The following CCT3 variants were observed in gnomAD, a reference collection of about 807,000 sequenced individuals.
The protein encoded by CCT3 is chaperonin containing TCP1 subunit 3, also known as T-complex protein 1 subunit gamma.
A neutral mutation model predicts 65.3 loss-of-function variants in CCT3; 10 were observed. That is an observed-to-expected ratio of 0.15 (90% CI 0.09 to 0.26). CCT3 has a LOEUF of 0.26. CCT3 is among the 10% of genes least tolerant of loss of function. CCT3 has a pLI of 1.00. For synonymous variants in CCT3, 225 were observed against 242.3 expected, an observed-to-expected ratio of 0.93 and a Z score of 0.66; for missense variants, 626 against 708.7, an observed-to-expected ratio of 0.88 and a Z score of 1.33.
At chr1:156,331,805 G>T (rs1298926607) in intron 5 of CCT3, among the ~76,000 whole-genome samples, 2 of 151,828 alleles carry the variant, frequency 1.3e-5, no homozygotes, top group Non-Finnish European at 2.9e-5. Flanking sequence ...AGGCAGAGGC[G>T]GGCAGATCAC....
intron 2 of CCT3, 30 bp from the exon 3 acceptor site, chr1:156,334,948 G>A (rs373842273): frequency 6.2e-7 from 1 of 1,604,380 alleles, no homozygotes; most frequent in Non-Finnish European, 8.5e-7. Flanking sequence ...AAATACGCAA[G>A]CACAAATCAG....
chr1:156,331,746 C>CT (rs1255068508), intron 5 of CCT3, among the ~76,000 whole-genome samples: 1 of 150,216 alleles, frequency 6.7e-6, no homozygotes, highest in African/African-American at 2.5e-5. Flanking sequence ...AAAATAGTCC[C>CT]TCTCAGGCCA....
At chr1:156,323,855 C>T (rs943355760) in intron 6 of CCT3, among the ~76,000 whole-genome samples, 1 of 152,050 alleles carries the variant, frequency 6.6e-6, no homozygotes. Flanking sequence ...CTCCGCCTCC[C>T]GGGTTCAAGT....
intron 5 of CCT3, among the ~76,000 whole-genome samples, chr1:156,332,047 A>G (rs1485397714): frequency 2.2e-5 from 3 of 135,500 alleles, no homozygotes; most frequent in Non-Finnish European, 4.9e-5. Context: ...AAAAAAAGAG[A>G]CATGGTCTTG....
chr1:156,317,226 A>T lies in CCT3; in HGVS notation c.914T>A (p.Met305Lys). ...GISDLAQHYLMRANITAIRRV... is the reference protein window; with the variant it reads ...GISDLAQHYLKRANITAIRRV... ...GCGGATGGCTGTGATATTGGCCCGC[A>T]TAAGGTAGTGCTGAGCTAAATCTAC... is the stretch of plus-strand genomic sequence containing the variant. The change falls in exon 10 of 14, where the codon ATG becomes AAG. Residue 305 changes from methionine to lysine, a missense_variant. Physicochemically the swap from Met to Lys is moderately conservative, Grantham distance 95. Transcript: ENST00000295688. 6.2e-7 allele frequency: 1 copy of T among 1,614,204 alleles called. No individual in the cohort carries two copies. The highest frequency in any genetic ancestry group is 8.5e-7 in the Non-Finnish European group (1 of 1,180,020).
At chr1:156,337,110 GA>G in intron 1 of CCT3, 1 of 1,284,208 alleles carries the variant, frequency 7.8e-7, no homozygotes, top group Admixed American at 2.3e-5. Flanking sequence ...GTGCTCATCA[GA>G]AAAAAATAAG....
chr1:156,327,229 C>A (rs1453995281), intron 5 of CCT3, among the ~76,000 whole-genome samples: 1 of 152,160 alleles, frequency 6.6e-6, no homozygotes, highest in Non-Finnish European at 1.5e-5. Context: ...TGCTTACTGG[C>A]AGGTAAAATA....
chr1:156,337,903 G>T, intron 1 of CCT3: 1 of 552,786 alleles, frequency 1.8e-6, no homozygotes, highest in South Asian at 2.4e-5. Context: ...CGCGGAGTGG[G>T]AAAGAGCTTC....
chr1:156,315,399 G>A (rs1458341260), intron 10 of CCT3, among the ~76,000 whole-genome samples: 2 of 152,008 alleles, frequency 1.3e-5, no homozygotes, highest in Non-Finnish European at 2.9e-5. Context: ...ATTAGAGATG[G>A]GGTTTCACCA....
chr1:156,335,671 T>C (rs1665306593), intron 2 of CCT3, 156 bp downstream of exon 2: 2 of 593,620 alleles, frequency 3.4e-6, no homozygotes, highest in African/African-American at 3.7e-5. Flanking sequence ...TCCTTTCCCC[T>C]AACATCATCA....
intron 1 of CCT3, chr1:156,337,133 G>A (rs1476711435): frequency 8.6e-6 from 11 of 1,273,294 alleles, no homozygotes; most frequent in Non-Finnish European, 1.1e-5. Flanking sequence ...GACCGGGCGC[G>A]GTGGCTCACG....
intron 5 of CCT3, among the ~76,000 whole-genome samples, chr1:156,326,248 G>C: frequency 6.6e-6 from 1 of 152,200 alleles, no homozygotes; most frequent in Admixed American, 6.5e-5. Context: ...AGGACTCATT[G>C]AGCCCAGAAG....
intron 10 of CCT3, among the ~76,000 whole-genome samples, chr1:156,315,623 C>T (rs142771498): frequency 1.4e-3 from 219 of 152,222 alleles, no homozygotes; most frequent in Non-Finnish European, 2.4e-3. Flanking sequence ...GGTAAGGGTT[C>T]GGGTCAACGG....
chr1:156,310,532 C>T lies in CCT3; in HGVS notation c.1533+26G>A, dbSNP rs111507501. On this transcript the variant is annotated intron_variant, in intron 13 of 13. Transcript: ENST00000295688. Reference sequence around the variant, plus strand: ...TAAATAAATAAATTAATTAAAACAGCGTGTACATATCTTAGGGTGCCTTAC... The same window carrying T: ...TAAATAAATAAATTAATTAAAACAGTGTGTACATATCTTAGGGTGCCTTAC... The T allele has an allele frequency of 1.5e-3, 2,276 of 1,558,706 alleles. 39 individuals are homozygous for T. The African/African-American group carries it at 0.026, about 18-fold the overall frequency.
intron 1 of CCT3, chr1:156,337,362 C>A: frequency 9.6e-6 from 2 of 209,022 alleles, no homozygotes; most frequent in Non-Finnish European, 2.0e-5. Flanking sequence ...GAACAGAGAT[C>A]GCGCCACTGC....
intron 1 of CCT3, 132 bp downstream of exon 1, chr1:156,338,022 C>A: frequency 1.0e-6 from 1 of 982,588 alleles, no homozygotes. Flanking sequence ...GGACACTGGG[C>A]TTCCAAAATG....
chr1:156,311,372 G>A (rs1482679048), intron 11 of CCT3, among the ~76,000 whole-genome samples, 177 bp from the exon 12 acceptor site: 1 of 152,186 alleles, frequency 6.6e-6, no homozygotes, highest in African/African-American at 2.4e-5. Context: ...TATAACACAC[G>A]ACTATAATAT....
chr1:156,324,151 T>C (rs1268349389), intron 6 of CCT3, among the ~76,000 whole-genome samples: 2 of 151,894 alleles, frequency 1.3e-5, no homozygotes, highest in African/African-American at 4.8e-5. Context: ...CACTGAAACC[T>C]TCGCCTCCCG....
rs145790201 is a variant in CCT3, at chr1:156,315,295, G to A, written c.974+1871C>T. ...ACCATCTCAGCTTACTGCAACCTCCGCCTCCTTGGTTCAAGCAATTCTCCT... is the reference window on the plus strand; with the variant it reads ...ACCATCTCAGCTTACTGCAACCTCCACCTCCTTGGTTCAAGCAATTCTCCT... On this transcript the variant is annotated intron_variant, in intron 10 of 13. Coordinates refer to ENST00000295688, the MANE Select transcript of CCT3 (RefSeq NM_005998.5). Among the ~76,000 whole-genome samples, 482 of 152,164 alleles carry A rather than the reference G, an allele frequency of 3.2e-3. 3 individuals are homozygous for A. Among genetic ancestry groups the A allele is most frequent in the African/African-American group, 0.011 (466 of 41,518 alleles).
Sources: allele counts gnomAD v4.1 joint callset (sites outside exome capture counted in the v4.1 genomes callset), GRCh38; gene constraint gnomAD v4.1.1; transcripts MANE v1.5; gene names NCBI Gene and HGNC (gene_info 2026-07-23, HGNC 2026-07-21).